Variants in ZNF618 observed in about 807,000 individuals in gnomAD.
ZNF618 encodes zinc finger protein 618.
Under a neutral mutation model 103.0 loss-of-function variants are expected in ZNF618, and 34 were observed. That is an observed-to-expected ratio of 0.33 (90% CI 0.25 to 0.44). The LOEUF (loss-of-function observed/expected upper bound fraction) is 0.44, where lower values mean the gene tolerates loss of function less well. Among genes scored for constraint, ZNF618 ranks in the 20% least tolerant of loss-of-function variants. The pLI, the probability that ZNF618 is intolerant of heterozygous loss-of-function variation, is 1.00. For missense variants in ZNF618, 1,059 were observed against 1,295.4 expected, an observed-to-expected ratio of 0.82 and a Z score of 2.80; for synonymous variants, 551 against 542.2, an observed-to-expected ratio of 1.02 and a Z score of -0.23.
At chr9:113,890,548 T>C (rs1426047774) in intron 1 of ZNF618, among the ~76,000 whole-genome samples, 1 of 152,238 alleles carries the variant, frequency 6.6e-6, no homozygotes, top group Non-Finnish European at 1.5e-5. Context: ...TAATTTGTCA[T>C]TGTTATAACC....
chr9:113,990,701 G>A (rs550509708), intron 3 of ZNF618, among the ~76,000 whole-genome samples: 45 of 152,220 alleles, frequency 3.0e-4, no homozygotes, highest in African/African-American at 1.0e-3. Context: ...TGTTAATTCC[G>A]CTCACAGTCA....
chr9:114,048,026 G>A (rs1180552591), intron 14 of ZNF618, 32 bp downstream of exon 14: 18 of 1,539,680 alleles, frequency 1.2e-5, no homozygotes, highest in Middle Eastern at 1.7e-4. Context: ...TGGACCTGAG[G>A]GTCCCCTTAT....
intron 11 of ZNF618, among the ~76,000 whole-genome samples, chr9:114,032,235 C>G (rs1363506240): frequency 3.3e-5 from 5 of 152,250 alleles, no homozygotes; most frequent in African/African-American, 9.6e-5. Context: ...CTGTCATCAT[C>G]TATGCACTTC....
chr9:114,023,562 GCT>G (rs1044748569), intron 10 of ZNF618, among the ~76,000 whole-genome samples: 2 of 151,988 alleles, frequency 1.3e-5, no homozygotes, highest in African/African-American at 4.8e-5. Flanking sequence ...CATTTTGTTT[GCT>G]TTTCTTTCCT....
intron 1 of ZNF618, 63 bp downstream of exon 1, chr9:113,876,476 G>C (rs1587895545): frequency 8.8e-7 from 1 of 1,140,132 alleles, no homozygotes; most frequent in Non-Finnish European, 1.1e-6. Flanking sequence ...GGCCCGGGGC[G>C]CTGCGCCACT....
At chr9:113,959,545 A>G (rs1353486213) in intron 1 of ZNF618, among the ~76,000 whole-genome samples, 1 of 152,206 alleles carries the variant, frequency 6.6e-6, no homozygotes, top group East Asian at 1.9e-4. Context: ...AGTCCCACAT[A>G]GCCCTGCAGG....
intron 12 of ZNF618, among the ~76,000 whole-genome samples, chr9:114,035,661 C>T (rs979441753): frequency 6.6e-6 from 1 of 151,508 alleles, no homozygotes; most frequent in Non-Finnish European, 1.5e-5. Context: ...CAGGCACTGA[C>T]GTGAGTGCTA....
intron 2 of ZNF618, among the ~76,000 whole-genome samples, chr9:113,984,812 C>G (rs557699839): frequency 6.6e-6 from 1 of 152,228 alleles, no homozygotes; most frequent in Non-Finnish European, 1.5e-5. Context: ...TCTTTACCCC[C>G]CGGCTTGAAT....
rs1842662246 is a variant in ZNF618 at position 114,016,554 on chromosome 9, G to T, written c.755-141G>T. ...TGTCTGAGCTGGGATTTGAATAGGG[G>T]TCTTCTAACTCCAGAGTCAGAATTG... On this transcript the variant is annotated intron_variant, in intron 9 of 14. Coordinates refer to ENST00000374126, the MANE Select transcript of ZNF618 (RefSeq NM_001318042.2). The T allele has an allele frequency of 9.0e-6, 6 of 667,726 alleles. No homozygotes were observed. The African/African-American group carries it at 9.1e-5, about 10-fold the overall frequency. The allele number at this position is 667,726 out of a possible 1,614,324, so 41.4% of individuals were successfully genotyped here. A position where few individuals can be genotyped will look rare whatever the true frequency, so the allele number is the denominator to read the frequency against.
At chr9:114,009,317 T>A (rs1588324528) in intron 9 of ZNF618, among the ~76,000 whole-genome samples, 1 of 152,178 alleles carries the variant, frequency 6.6e-6, no homozygotes, top group Non-Finnish European at 1.5e-5. Context: ...ATGCCAAGGC[T>A]GGAGAGCCCT....
At chr9:113,997,027 A>T (rs540538251) in intron 3 of ZNF618, among the ~76,000 whole-genome samples, 1 of 151,954 alleles carries the variant, frequency 6.6e-6, no homozygotes, top group South Asian at 2.1e-4. Context: ...GTGGACGGAA[A>T]TGAGACCTGG....
intron 1 of ZNF618, among the ~76,000 whole-genome samples, chr9:113,899,673 G>A (rs1830344445): frequency 6.6e-6 from 1 of 152,158 alleles, no homozygotes; most frequent in South Asian, 2.1e-4. Flanking sequence ...CCAAAAGGCT[G>A]GGGACCGCTG....
intron 1 of ZNF618, among the ~76,000 whole-genome samples, chr9:113,900,521 G>C (rs1209201380): frequency 6.6e-6 from 1 of 152,198 alleles, no homozygotes; most frequent in African/African-American, 2.4e-5. Context: ...TCTTTGAGGT[G>C]AGGCAGCAAC....
intron 2 of ZNF618, among the ~76,000 whole-genome samples, chr9:113,986,038 A>G (rs1220426419): frequency 2.0e-5 from 3 of 152,198 alleles, no homozygotes; most frequent in African/African-American, 2.4e-5. Flanking sequence ...GGTGGCCCTG[A>G]TGGGACAGAC....
At chr9:113,964,239 G>A (rs700124) in intron 1 of ZNF618, among the ~76,000 whole-genome samples, 5,666 of 152,160 alleles carry the variant, frequency 0.037, 199 homozygotes, top group African/African-American at 0.087. Context: ...CCTCAGGCTC[G>A]GTTCTCTTAT....
At chr9:113,992,675 C>T (rs768919302) in intron 3 of ZNF618, among the ~76,000 whole-genome samples, 3 of 150,038 alleles carry the variant, frequency 2.0e-5, no homozygotes, top group Non-Finnish European at 3.0e-5. Context: ...CCCAGTGCTG[C>T]GCCATGAGGG....
intron 3 of ZNF618, among the ~76,000 whole-genome samples, chr9:113,989,091 C>T (rs1036524958): frequency 6.6e-6 from 1 of 152,234 alleles, no homozygotes; most frequent in Admixed American, 6.5e-5. Flanking sequence ...ATTTCTCTCC[C>T]TCCGGTCTCC....
rs539112653 is a variant in ZNF618 at position 114,035,519 on chromosome 9, A to G, written c.1169-781A>G. 1.4e-4 allele frequency among the ~76,000 whole-genome samples: 21 copies of G among 152,312 alleles called. No homozygotes were observed. In the South Asian group the frequency reaches 4.3e-3, roughly 32 times the overall value. ...CCATTCACGGTCGTCGGGCAGCCTC[A>G]GGACACCTCTTCCGAGCCCCATCGC... On this transcript the variant is annotated intron_variant, in intron 12 of 14. Transcript: ENST00000374126.
chr9:113,928,720 T>C (rs1833311437), intron 1 of ZNF618, among the ~76,000 whole-genome samples: 1 of 152,226 alleles, frequency 6.6e-6, no homozygotes, highest in African/African-American at 2.4e-5. Context: ...GTCTTGCAGC[T>C]GTCTCATTTG....
Sources: gnomAD v4.1 joint callset for allele counts (sites outside exome capture counted in the v4.1 genomes callset) on GRCh38, gnomAD v4.1.1 for gene constraint, MANE v1.5 for transcripts, NCBI Gene and HGNC (gene_info 2026-07-23, HGNC 2026-07-21) for gene names.